The following CEP112 variants were observed in gnomAD, a reference collection of about 807,000 sequenced individuals.
CEP112 encodes centrosomal protein 112.
Under a neutral mutation model 153.0 loss-of-function variants are expected in CEP112, and 127 were observed. That is an observed-to-expected ratio of 0.83 (90% CI 0.72 to 0.96). CEP112 has a LOEUF of 0.96. Ranked by LOEUF, CEP112 falls within the 40% of genes least tolerant of loss-of-function variation. The pLI is 0.00. For missense variants in CEP112, 1,089 were observed against 1,101.2 expected, an observed-to-expected ratio of 0.99 and a Z score of 0.16; for synonymous variants, 358 against 374.4, an observed-to-expected ratio of 0.96 and a Z score of 0.51.
chr17:66,150,839 T>C (rs2071178302), intron 4 of CEP112, among the ~76,000 whole-genome samples: 1 of 152,346 alleles, frequency 6.6e-6, no homozygotes, highest in East Asian at 1.9e-4. Context: ...TTGGTACTAT[T>C]AGTTTTTGCT....
chr17:65,695,095 G>A (rs1315843772), intron 23 of CEP112, among the ~76,000 whole-genome samples: 1 of 152,174 alleles, frequency 6.6e-6, no homozygotes, highest in Non-Finnish European at 1.5e-5. Flanking sequence ...AAGCTACACC[G>A]CTCCTGACTT....
intron 24 of CEP112, among the ~76,000 whole-genome samples, chr17:65,660,293 CCTT>C (rs2046291091): frequency 7.2e-6 from 1 of 139,188 alleles, no homozygotes; most frequent in Non-Finnish European, 1.5e-5. Flanking sequence ...CTTCCTCCCT[CCTT>C]CTCTTTTCTC....
chr17:65,954,004 C>T (rs961026917), intron 18 of CEP112, among the ~76,000 whole-genome samples: 4 of 152,212 alleles, frequency 2.6e-5, no homozygotes, highest in Admixed American at 6.5e-5. Context: ...CCATAGCTGA[C>T]GCACTCTTGA....
chr17:65,743,052 G>C lies in CEP112; in HGVS notation c.2607+16C>G. The C allele has an allele frequency of 5.7e-6, 9 of 1,591,880 alleles. No individual in the cohort carries two copies. The highest frequency in any genetic ancestry group is 7.7e-6 in the Non-Finnish European group (9 of 1,169,340). ...AAAGCAGCTGGTACCACTGGTTACT[G>C]AAGTCTTCAGATTACCTTGATTGCT... On this transcript the variant is annotated intron_variant, in intron 23 of 26. Transcript: ENST00000535342.
intron 23 of CEP112, among the ~76,000 whole-genome samples, chr17:65,696,565 C>T (rs1400922632): frequency 6.6e-6 from 1 of 152,078 alleles, no homozygotes; most frequent in African/African-American, 2.4e-5. Context: ...AAACAAGGAA[C>T]CAGATGAACC....
chr17:65,838,465 A>G (rs994606603), intron 21 of CEP112, among the ~76,000 whole-genome samples: 2 of 152,164 alleles, frequency 1.3e-5, no homozygotes, highest in Non-Finnish European at 2.9e-5. Flanking sequence ...TGAAAATAAA[A>G]ATACAACACA....
At chr17:65,831,200 T>C (rs1285650066) in intron 21 of CEP112, among the ~76,000 whole-genome samples, 2 of 152,244 alleles carry the variant, frequency 1.3e-5, no homozygotes, top group South Asian at 2.1e-4. Context: ...AAACTACCAA[T>C]AGACTCAGAA....
At chr17:66,051,688 C>G (rs1348375) in intron 12 of CEP112, among the ~76,000 whole-genome samples, 149,336 of 152,278 alleles carry the variant, frequency 0.98, 73,288 homozygotes, top group East Asian at 1. Flanking sequence ...CATACGCCTG[C>G]GTAACAACTC....
rs563647793 is a variant in CEP112, at chr17:66,023,184, A to T, written c.1656+4317T>A. Reference sequence around the variant, plus strand: ...AAAAACTTCTGTAGTCTAGCAAGAGATTTAAACATCCACATACAAGAAGTG... The same window carrying T: ...AAAAACTTCTGTAGTCTAGCAAGAGTTTTAAACATCCACATACAAGAAGTG... On this transcript the variant is annotated intron_variant, in intron 16 of 26. Transcript: ENST00000535342. Among the ~76,000 whole-genome samples the T allele has an allele frequency of 5.9e-5, 9 of 152,316 alleles. No individual in the cohort carries two copies. In the South Asian group the frequency reaches 1.9e-3, roughly 32 times the overall value.
At chr17:65,974,960 A>G (rs112182811) in intron 17 of CEP112, among the ~76,000 whole-genome samples, 8,617 of 152,248 alleles carry the variant, frequency 0.057, 842 homozygotes, top group African/African-American at 0.2. Flanking sequence ...TACTAAAAAA[A>G]AAAAAATGAA....
At chr17:65,937,545 CCGCCCCG>C (rs2144388784) in intron 18 of CEP112, among the ~76,000 whole-genome samples, 2 of 110,446 alleles carry the variant, frequency 1.8e-5, no homozygotes, top group Non-Finnish European at 1.9e-5. Flanking sequence ...GCCCGGCCAG[CCGCCCCG>C]TCCGGGAGGG....
At chr17:66,036,734 C>G (rs2065756154) in intron 12 of CEP112, among the ~76,000 whole-genome samples, 1 of 152,196 alleles carries the variant, frequency 6.6e-6, no homozygotes, top group Non-Finnish European at 1.5e-5. Context: ...GAATCAAAAC[C>G]TATTCCACTG....
At chr17:66,145,112 T>A (rs1449118577) in intron 4 of CEP112, among the ~76,000 whole-genome samples, 1 of 152,238 alleles carries the variant, frequency 6.6e-6, no homozygotes, top group Non-Finnish European at 1.5e-5. Flanking sequence ...GGTATCACAC[T>A]GTGCTTTATA....
At chr17:65,657,858 T>C (rs933768112) in intron 24 of CEP112, among the ~76,000 whole-genome samples, 3 of 152,220 alleles carry the variant, frequency 2.0e-5, no homozygotes, top group African/African-American at 7.2e-5. Flanking sequence ...ACTGGACACA[T>C]AGCAAATGCT....
chr17:66,109,767 A>G (rs570830310), intron 6 of CEP112, among the ~76,000 whole-genome samples: 29 of 152,340 alleles, frequency 1.9e-4, no homozygotes, highest in Non-Finnish European at 3.8e-4. Context: ...TAAAACTTAT[A>G]ATGACCTTAC....
chr17:66,007,488 A>G (rs2064325084), intron 16 of CEP112, among the ~76,000 whole-genome samples: 1 of 152,240 alleles, frequency 6.6e-6, no homozygotes, highest in African/African-American at 2.4e-5. Context: ...TTTGGCACAT[A>G]GTAAGCATAC....
chr17:66,009,803 T>A (rs2064435789), intron 16 of CEP112, among the ~76,000 whole-genome samples: 1 of 152,204 alleles, frequency 6.6e-6, no homozygotes, highest in Non-Finnish European at 1.5e-5. Context: ...GGGTTCTCTA[T>A]TCTGTTCCAT....
chr17:65,821,496 T>TATTTATATATATATATATAATTATA (rs2056537136), intron 21 of CEP112, among the ~76,000 whole-genome samples: 4 of 121,420 alleles, frequency 3.3e-5, no homozygotes, highest in Non-Finnish European at 6.6e-5. Context: ...ATATATATAA[T>TATTTATATATATATATATAATTATA]TATATATATA....
intron 20 of CEP112, among the ~76,000 whole-genome samples, chr17:65,861,632 A>G (rs1418367440): frequency 1.3e-5 from 2 of 152,254 alleles, no homozygotes; most frequent in East Asian, 3.8e-4. Flanking sequence ...TTTTAATGGT[A>G]AACATGAAAA....
Sources: allele counts gnomAD v4.1 joint callset (sites outside exome capture counted in the v4.1 genomes callset), GRCh38; gene constraint gnomAD v4.1.1; transcripts MANE v1.5; gene names NCBI Gene and HGNC (gene_info 2026-07-23, HGNC 2026-07-21).